The following PEX5 variants were observed in gnomAD, a reference collection of about 807,000 sequenced individuals.
The protein encoded by PEX5 is PTS1 receptor.
PEX5 carries 52 observed loss-of-function variants against 82.9 expected under a neutral mutation model. The observed-to-expected ratio is 0.63, with a 90% confidence interval of 0.50 to 0.79. The LOEUF (loss-of-function observed/expected upper bound fraction) is 0.79, where lower values mean the gene tolerates loss of function less well. PEX5 is among the 30% of genes least tolerant of loss of function. The pLI is 0.00. For synonymous variants in PEX5, 300 were observed against 318.8 expected, an observed-to-expected ratio of 0.94 and a Z score of 0.63; for missense variants, 719 against 815.2, an observed-to-expected ratio of 0.88 and a Z score of 1.44.
Position 7,208,527 on chromosome 12 carries a change from C to T in PEX5, c.1252C>T (p.Leu418=). ...ALAVSFTNES[L]QRQACETLRD... ...GGCTGTGAGCTTCACCAACGAGTCCCTGCAGCGACAGGCCTGTGAAACCCT... is the reference window on the plus strand; with the variant it reads ...GGCTGTGAGCTTCACCAACGAGTCCTTGCAGCGACAGGCCTGTGAAACCCT... The change falls in exon 13 of 16, where the codon CTG becomes TTG. Residue 418 remains leucine (L), a synonymous_variant. Coordinates refer to ENST00000675855, the MANE Select transcript of PEX5 (RefSeq NM_001351132.2). 6.2e-7 allele frequency: 1 copy of T among 1,614,126 alleles called. No homozygotes were observed. Among genetic ancestry groups the T allele is most frequent in the Non-Finnish European group, 8.5e-7 (1 of 1,179,978 alleles).
At chr12:7,196,268 AT>A (rs377527945) in intron 5 of PEX5, among the ~76,000 whole-genome samples, 2 of 47,128 alleles carry the variant, frequency 4.2e-5, no homozygotes, top group Non-Finnish European at 1.1e-4. Context: ...ATATGTCATA[AT>A]TTATATATGT....
At chr12:7,216,876 T>G (rs2136297321) in intron 17 of PEX5, among the ~76,000 whole-genome samples, 1 of 152,336 alleles carries the variant, frequency 6.6e-6, no homozygotes, top group Non-Finnish European at 1.5e-5. Flanking sequence ...ATCCAACAAC[T>G]TTTTAAAGGA....
At chr12:7,215,846 A>G (rs957168162), downstream of PEX5, among the ~76,000 whole-genome samples, 1 of 152,216 alleles carries the variant, frequency 6.6e-6, no homozygotes, top group Non-Finnish European at 1.5e-5. Flanking sequence ...CAGTTTATCC[A>G]TGTAACAAAC....
chr12:7,216,559 C>A (rs1027653011), intron 17 of PEX5, among the ~76,000 whole-genome samples: 1 of 141,804 alleles, frequency 7.1e-6, no homozygotes, highest in African/African-American at 2.5e-5. Flanking sequence ...ATTTATTTTA[C>A]GATCATAACT....
In PEX5 at chr12:7,210,424, C is replaced by T; in HGVS notation, c.*201C>T. On this transcript the variant is annotated 3_prime_UTR_variant, in exon 16 of 16. Coordinates refer to ENST00000675855, the MANE Select transcript of PEX5 (RefSeq NM_001351132.2). Reference sequence around the variant, plus strand: ...TGTAGGAAAATGAGCTGTGTCATCTCTGAGTCCCTTGGTAATTCAAGGGCT... The same window carrying T: ...TGTAGGAAAATGAGCTGTGTCATCTTTGAGTCCCTTGGTAATTCAAGGGCT... The T allele has an allele frequency of 1.6e-6, 1 of 636,402 alleles. No individual in the cohort carries two copies. The highest frequency in any genetic ancestry group is 2.8e-6 in the Non-Finnish European group (1 of 351,488). 39.4% of individuals were successfully genotyped at this position (636,402 alleles called of 1,614,324 possible).
intron 6 of PEX5, among the ~76,000 whole-genome samples, chr12:7,200,450 C>G (rs749450121): frequency 6.8e-6 from 1 of 147,342 alleles, no homozygotes; most frequent in Non-Finnish European, 1.5e-5. Context: ...AGACGATGGG[C>G]GGCCAGGCAG....
chr12:7,209,180 G>C lies in PEX5; in HGVS notation c.1560+10G>C. The C allele has an allele frequency of 6.2e-7, 1 of 1,613,214 alleles. No homozygotes were observed. The highest frequency in any genetic ancestry group is 8.5e-7 in the Non-Finnish European group (1 of 1,179,624). On this transcript the variant is annotated intron_variant, in intron 14 of 15. Transcript: ENST00000675855. The stretch of plus-strand genomic sequence containing the variant: ...CAGCGTTCGTCCCAATGTGAGCCCA[G>C]GGGAGGAATGGAAATGGGACATGAC...
rs113773623 is a variant in PEX5 at position 7,192,666 on chromosome 12, G to A, written c.448+966G>A. 4.2e-3 allele frequency among the ~76,000 whole-genome samples: 636 copies of A among 152,250 alleles called. 3 individuals carry two copies. Among genetic ancestry groups the A allele is most frequent in the South Asian group, 0.038 (185 of 4,818 alleles). ...GAAAGTTACCAAGTTCCAGGATCTC[G>A]GGGAGTCACATCATCATGGTTCCTG... On this transcript the variant is annotated intron_variant, in intron 5 of 15. Coordinates refer to ENST00000675855, the MANE Select transcript of PEX5 (RefSeq NM_001351132.2).
intron 10 of PEX5, among the ~76,000 whole-genome samples, chr12:7,205,771 T>C (rs370402650): frequency 6.6e-6 from 1 of 152,146 alleles, no homozygotes; most frequent in South Asian, 2.1e-4. Flanking sequence ...GGGTAGATAA[T>C]ATGGATGAGA....
intron 5 of PEX5, among the ~76,000 whole-genome samples, chr12:7,198,627 G>A (rs772941051): frequency 1.3e-5 from 2 of 152,256 alleles, no homozygotes; most frequent in South Asian, 4.1e-4. Flanking sequence ...GAGCCCTTCT[G>A]TGCTCCCTTC....
chr12:7,207,894 C>T, intron 11 of PEX5, 92 bp downstream of exon 11: 1 of 1,544,808 alleles, frequency 6.5e-7, no homozygotes, highest in Admixed American at 1.7e-5. Flanking sequence ...GGGTTAGGGC[C>T]TGGGTGATGG....
At position 7,189,979 on chromosome 12, in the gene PEX5, AG is replaced by A. The variant is rs775604296; in HGVS notation, c.-17+231del. The stretch of plus-strand genomic sequence containing the variant: ...CCGCGTGCTGGGGCTGCGCGGGGCT[AG>A]GTATGGTCGGGCTGTTTTCCCACTG... On this transcript the variant is annotated intron_variant, in intron 1 of 15. Transcript: ENST00000675855. 87 of 1,499,380 alleles carry A rather than the reference AG, an allele frequency of 5.8e-5. 1 individual carries two copies. The East Asian group carries it at 8.4e-4, about 14-fold the overall frequency. The allele number at this position is 1,499,380 out of a possible 1,614,324, so 92.9% of individuals were successfully genotyped here. A position where few individuals can be genotyped will look rare whatever the true frequency, so the allele number is the denominator to read the frequency against.
At chr12:7,199,582 GAA>G (rs1293768979) in intron 6 of PEX5, among the ~76,000 whole-genome samples, 1 of 151,530 alleles carries the variant, frequency 6.6e-6, no homozygotes. Flanking sequence ...AGAACAAAAT[GAA>G]AAGTCTCCCA....
intron 6 of PEX5, among the ~76,000 whole-genome samples, chr12:7,200,513 C>T (rs1356956160): frequency 5.3e-5 from 8 of 152,290 alleles, no homozygotes; most frequent in Middle Eastern, 3.4e-3. Flanking sequence ...GCTGCAATCT[C>T]GGCACTTTGG....
At chr12:7,213,878 A>G (rs1162974087), downstream of PEX5, among the ~76,000 whole-genome samples, 1 of 151,982 alleles carries the variant, frequency 6.6e-6, no homozygotes, top group Non-Finnish European at 1.5e-5. Context: ...ACAAATTTAC[A>G]AGAAAAAAAC....
downstream of PEX5, among the ~76,000 whole-genome samples, chr12:7,212,085 C>G (rs1945619997): frequency 6.6e-6 from 1 of 151,600 alleles, no homozygotes; most frequent in South Asian, 2.1e-4. Flanking sequence ...CCTGCCTCAG[C>G]TTCCTAAGTA....
downstream of PEX5, among the ~76,000 whole-genome samples, chr12:7,214,626 T>G: frequency 1.4e-5 from 2 of 145,412 alleles, no homozygotes; most frequent in South Asian, 2.2e-4. Flanking sequence ...AAATGACGAG[T>G]TAATGGGTGC....
At chr12:7,202,457 C>T in intron 8 of PEX5, 106 bp downstream of exon 8, 1 of 1,469,772 alleles carries the variant, frequency 6.8e-7, no homozygotes, top group East Asian at 2.3e-5. Context: ...ACCAGCTTGT[C>T]TTGATAGCAT....
At chr12:7,200,811 G>C (rs905968175) in intron 6 of PEX5, among the ~76,000 whole-genome samples, 9 of 152,212 alleles carry the variant, frequency 5.9e-5, no homozygotes, top group Non-Finnish European at 1.3e-4. Flanking sequence ...AATCAGGCAG[G>C]GAGGTTGCAG....
Sources: gnomAD v4.1 joint callset for allele counts (sites outside exome capture counted in the v4.1 genomes callset) on GRCh38, gnomAD v4.1.1 for gene constraint, MANE v1.5 for transcripts, NCBI Gene and HGNC (gene_info 2026-07-23, HGNC 2026-07-21) for gene names.